The following VPS8 variants were observed in gnomAD, a reference collection of about 807,000 sequenced individuals.
VPS8 encodes vacuolar protein sorting-associated protein 8 homolog.
VPS8 carries 129 observed loss-of-function variants against 216.4 expected under a neutral mutation model. The observed-to-expected ratio is 0.60, with a 90% CI of 0.52 to 0.69. The LOEUF (loss-of-function observed/expected upper bound fraction) is 0.69. Among genes scored for constraint, VPS8 ranks in the 30% least tolerant of loss-of-function variants. The probability of loss-of-function intolerance (pLI) is 0.00; values close to 1 mark genes in which losing one functional copy is unlikely to be tolerated. For synonymous variants in VPS8, 571 were observed against 565.4 expected (o/e 1.01, Z -0.14); for missense variants, 1,531 against 1,683.5 (o/e 0.91, Z 1.59).
chr3:184,961,713 TAA>T (rs1746536684), intron 37 of VPS8, among the ~76,000 whole-genome samples: 1 of 97,338 alleles, frequency 1.0e-5, no homozygotes, highest in Non-Finnish European at 2.0e-5. Context: ...TATTTTATTA[TAA>T]GTTGCCTTTT....
intron 45 of VPS8, among the ~76,000 whole-genome samples, chr3:185,020,883 C>T (rs1226234204): frequency 2.0e-5 from 3 of 152,136 alleles, no homozygotes; most frequent in Non-Finnish European, 4.4e-5. Context: ...CACCAGCTGA[C>T]CAACATGGTG....
intron 31 of VPS8, among the ~76,000 whole-genome samples, chr3:184,927,352 G>C (rs1014799328): frequency 2.6e-5 from 4 of 152,160 alleles, no homozygotes; most frequent in African/African-American, 9.7e-5. Flanking sequence ...ATCATACGCA[G>C]CTGGGAAGTT....
chr3:185,032,522 A>C (rs888577339), intron 46 of VPS8, among the ~76,000 whole-genome samples: 1 of 152,116 alleles, frequency 6.6e-6, no homozygotes, highest in African/African-American at 2.4e-5. Flanking sequence ...CTCAGAAGCA[A>C]CCCTTAAAGG....
At chr3:184,995,545 A>G (rs961604859) in intron 43 of VPS8, among the ~76,000 whole-genome samples, 1 of 152,226 alleles carries the variant, frequency 6.6e-6, no homozygotes, top group African/African-American at 2.4e-5. Context: ...ATTACAGGCA[A>G]AGTTAAAGAG....
At chr3:184,897,641 C>T (rs923045408) in intron 23 of VPS8, among the ~76,000 whole-genome samples, 1 of 151,998 alleles carries the variant, frequency 6.6e-6, no homozygotes, top group African/African-American at 2.4e-5. Context: ...GAGAGGGAGT[C>T]GTAGGAGTCC....
Position 184,853,877 on chromosome 3 carries a change from C to T in VPS8, c.842C>T (p.Thr281Ile), listed in dbSNP as rs768961216. The T allele has an allele frequency of 6.3e-7, 1 of 1,585,450 alleles. No homozygotes were observed. Among genetic ancestry groups the T allele is most frequent in the African/African-American group, 1.3e-5 (1 of 74,466 alleles). ...LTFKRVMGVR[T>I]CESRCLFSGS... ...TTCAGGAGAGTGATGGGAGTGAGAA[C>T]CTGTGAATCTAGATGTCTGTTCAGT... Residue 281 changes from threonine to isoleucine, a missense_variant, in exon 12 of 48, where the codon ACC (threonine) becomes ATC (isoleucine). Around this residue, in one of 3 missense-constraint regions of VPS8, gnomAD observed 1,318 missense variants for 1,468.4 expected, o/e 0.90. Coordinates refer to ENST00000625842, the MANE Select transcript of VPS8 (RefSeq NM_001009921.3).
intron 19 of VPS8, 69 bp downstream of exon 19, chr3:184,869,105 C>T: frequency 7.1e-7 from 1 of 1,409,436 alleles, no homozygotes; most frequent in South Asian, 1.2e-5. Flanking sequence ...TAGTACTAAC[C>T]ACTCATAGGA....
chr3:184,843,626 G>A (rs1722583420), intron 8 of VPS8, among the ~76,000 whole-genome samples: 1 of 152,038 alleles, frequency 6.6e-6, no homozygotes, highest in Non-Finnish European at 1.5e-5. Context: ...TGAGGTGAAA[G>A]CTTAAGCACC....
chr3:185,047,859 G>A (rs1225461032), intron 46 of VPS8, among the ~76,000 whole-genome samples: 1 of 152,080 alleles, frequency 6.6e-6, no homozygotes, highest in East Asian at 1.9e-4. Context: ...CCTCCCCCAG[G>A]ATCCCATTTC....
At chr3:184,953,083 T>TG (rs757261300) in intron 36 of VPS8, among the ~76,000 whole-genome samples, 10 of 152,210 alleles carry the variant, frequency 6.6e-5, no homozygotes, top group African/African-American at 9.6e-5. Context: ...ATTTTTAAGA[T>TG]GGGGTCTGTT....
intron 24 of VPS8, among the ~76,000 whole-genome samples, chr3:184,900,179 A>G (rs537449625): frequency 2.6e-5 from 4 of 152,336 alleles, no homozygotes; most frequent in South Asian, 4.1e-4. Flanking sequence ...TTAGGTCCCA[A>G]TGGTGGGAGG....
At chr3:184,896,355 A>T (rs1343611911) in intron 23 of VPS8, among the ~76,000 whole-genome samples, 1 of 151,920 alleles carries the variant, frequency 6.6e-6, no homozygotes, top group African/African-American at 2.4e-5. Context: ...ATGTAAATAT[A>T]CTCTAGTCTT....
chr3:184,858,757 G>A (rs901438030), intron 14 of VPS8, among the ~76,000 whole-genome samples: 3 of 152,174 alleles, frequency 2.0e-5, no homozygotes, highest in Admixed American at 6.5e-5. Flanking sequence ...AAGTCAACAA[G>A]CAAAATGCCT....
At position 184,869,515 on chromosome 3, in the gene VPS8, T is replaced by G; in HGVS notation, c.1631T>G (p.Ile544Ser). The G allele has an allele frequency of 1.2e-6, 2 of 1,613,518 alleles. No homozygotes were observed. Among genetic ancestry groups the G allele is most frequent in the Non-Finnish European group, 1.7e-6 (2 of 1,179,536 alleles). ...LSGDASKRKA[I>S]VADRMVEILF... ...GGGGATGCCAGTAAGCGAAAGGCTA[T>G]TGTTGCAGACCGGGTGAGTATTTTA... is the stretch of plus-strand genomic sequence containing the variant. The change falls in exon 20 of 48, where the codon ATT (isoleucine) becomes AGT (serine). Residue 544 changes from isoleucine (I) to serine (S), a missense_variant. Physicochemically the swap from Ile to Ser is moderately radical, Grantham distance 142 (BLOSUM62 -2). Around this residue, in one of 3 missense-constraint regions of VPS8, gnomAD observed 1,318 missense variants for 1,468.4 expected, o/e 0.90. Transcript: ENST00000625842.
intron 36 of VPS8, among the ~76,000 whole-genome samples, chr3:184,953,087 G>T (rs749876814): frequency 1.1e-4 from 17 of 152,134 alleles, no homozygotes; most frequent in Non-Finnish European, 1.8e-4. Context: ...TTAAGATGGG[G>T]TCTGTTACCA....
intron 7 of VPS8, among the ~76,000 whole-genome samples, chr3:184,842,311 G>A (rs914523244): frequency 6.8e-6 from 1 of 147,878 alleles, no homozygotes; most frequent in African/African-American, 2.5e-5. Flanking sequence ...AGAGAACATT[G>A]TCTTTTGATA....
At chr3:185,033,970 AT>A (rs1028225377) in intron 46 of VPS8, among the ~76,000 whole-genome samples, 2 of 152,042 alleles carry the variant, frequency 1.3e-5, no homozygotes, top group Admixed American at 6.6e-5. Context: ...TTATGTGCAG[AT>A]TTGTTACATG....
intron 14 of VPS8, 91 bp from the exon 15 acceptor site, chr3:184,859,894 A>T: frequency 1.2e-6 from 1 of 862,798 alleles, no homozygotes; most frequent in Non-Finnish European, 1.8e-6. Context: ...ATAATGGGTA[A>T]ATGTGATACT....
At chr3:184,932,232 C>T (rs752163832) in intron 34 of VPS8, among the ~76,000 whole-genome samples, 4 of 152,060 alleles carry the variant, frequency 2.6e-5, no homozygotes, top group Non-Finnish European at 5.9e-5. Context: ...TAGTTTATAG[C>T]TTAGTGGTTC....
Sources: gnomAD v4.1 joint callset for allele counts (sites outside exome capture counted in the v4.1 genomes callset) on GRCh38, gnomAD v4.1.1 for gene constraint, gnomAD v4.1.1 regional missense constraint, MANE v1.5 for transcripts, NCBI Gene and HGNC (gene_info 2026-07-23, HGNC 2026-07-21) for gene names.